Variants in CREBBP observed in about 807,000 individuals in gnomAD.
CREBBP encodes the protein CREB binding lysine acetyltransferase, also known as CREB-binding protein.
A neutral mutation model predicts 265.0 loss-of-function variants in CREBBP; 19 were observed. The observed-to-expected ratio is 0.07, with a 90% CI of 0.05 to 0.11. CREBBP has a LOEUF of 0.11. Among genes scored for constraint, CREBBP ranks in the 10% least tolerant of loss-of-function variants. The pLI is 1.00. For missense variants in CREBBP, 2,525 were observed against 3,219.0 expected (o/e 0.78, Z 5.22); for synonymous variants, 1,457 against 1,223.7 (o/e 1.19, Z -3.98).
rs907474283 is a variant in CREBBP, at chr16:3,880,011, G to A, written c.-95C>T. On this transcript the variant is annotated 5_prime_UTR_variant, in exon 1 of 31. Transcript: ENST00000262367. The stretch of plus-strand genomic sequence containing the variant: ...GGGCCCTGCCGGCTGCGAGGGAGAG[G>A]AGCGAGCGCGGGCCGCGAGCGGGCG... 4.5e-6 allele frequency: 5 copies of A among 1,104,458 alleles called. No individual in the cohort carries two copies. In the East Asian group the frequency reaches 1.0e-4, roughly 23 times the overall value. 68.4% of individuals were successfully genotyped at this position (1,104,458 alleles called of 1,614,324 possible). A position where few individuals can be genotyped will look rare whatever the true frequency, so the allele number is the denominator to read the frequency against.
chr16:3,850,026 C>T (rs2054793096), intron 2 of CREBBP, among the ~76,000 whole-genome samples: 1 of 152,190 alleles, frequency 6.6e-6, no homozygotes, highest in Non-Finnish European at 1.5e-5. Context: ...AGAAAGCAAC[C>T]TCTACCAGGT....
rs1046487097 is a variant in CREBBP at position 3,761,129 on chromosome 16, T to C, written c.3251-2157A>G. 2.0e-5 allele frequency among the ~76,000 whole-genome samples: 3 copies of C among 152,196 alleles called. No individual in the cohort carries two copies. The East Asian group carries it at 5.8e-4, about 29-fold the overall frequency. On this transcript the variant is annotated intron_variant, in intron 16 of 30. Transcript: ENST00000262367. ...ACCACCACACCCAGCTAATTTTGTA[T>C]TTTTAGTAGAGACTGGGTTTCTCCA... is the stretch of plus-strand genomic sequence containing the variant.
At chr16:3,860,515 C>T (rs1275183116) in intron 1 of CREBBP, among the ~76,000 whole-genome samples, 2 of 151,974 alleles carry the variant, frequency 1.3e-5, no homozygotes, top group Non-Finnish European at 2.9e-5. Flanking sequence ...ACTGTGGCTC[C>T]AAAAAGAATT....
chr16:3,742,418 T>C (rs868635054), intron 23 of CREBBP: 5 of 152,248 alleles, frequency 3.3e-5, no homozygotes, highest in Non-Finnish European at 7.3e-5. Context: ...TGTGTGAAAG[T>C]AGACTTGCTA....
At chr16:3,760,962 T>G (rs13338123) in intron 16 of CREBBP, among the ~76,000 whole-genome samples, 2 of 152,036 alleles carry the variant, frequency 1.3e-5, no homozygotes, top group African/African-American at 4.8e-5. Context: ...TGAAAAGATT[T>G]GTTTTTTTTG....
intron 6 of CREBBP, among the ~76,000 whole-genome samples, chr16:3,781,653 C>T (rs1485200297): frequency 6.6e-6 from 1 of 152,162 alleles, no homozygotes; most frequent in Non-Finnish European, 1.5e-5. Flanking sequence ...CTGAGTGACT[C>T]AGCTGCACTG....
intron 2 of CREBBP, among the ~76,000 whole-genome samples, chr16:3,813,992 C>G (rs1029257741): frequency 1.3e-5 from 2 of 152,326 alleles, no homozygotes; most frequent in African/African-American, 4.8e-5. Flanking sequence ...GGCCAGTGTG[C>G]TCTGTGGACC....
rs749011678 is a variant in CREBBP at position 3,770,601 on chromosome 16, G to A, written c.2849C>T (p.Thr950Met). ...ATPQSSQQQP[T>M]PVHAQPPGTP... The stretch of plus-strand genomic sequence containing the variant: ...GCCAGGAGGCTGGGCGTGCACAGGC[G>A]TCGGCTGTTGCTGCGATGACTGAGG... Residue 950 changes from threonine (T) to methionine (M), a missense_variant, in exon 14 of 31, where the codon ACG becomes ATG. By Grantham distance (81) the Thr-to-Met change is moderately conservative. Transcript: ENST00000262367. 4.3e-6 allele frequency: 7 copies of A among 1,613,638 alleles called. No individual in the cohort carries two copies. The highest frequency in any genetic ancestry group is 1.1e-5 in the South Asian group (1 of 91,068).
chr16:3,781,231 G>C lies in CREBBP; in HGVS notation c.1649C>G (p.Ala550Gly), dbSNP rs2141247424. Residue 550 changes from alanine (A) to glycine (G), a missense_variant, in exon 7 of 31, where the codon GCT (alanine) becomes GGT (glycine). Around this residue, in one of 19 missense-constraint regions of CREBBP, gnomAD observed 144 missense variants for 134.0 expected, o/e 1.07. Coordinates refer to ENST00000262367, the MANE Select transcript of CREBBP (RefSeq NM_004380.3). The part of the protein sequence containing the change: ...QQPPNLISES[A>G]LPTSLGATNP... Reference sequence around the variant, plus strand: ...TGTGGCCCCCAGGGAAGTCGGAAGAGCTGATTCTGAAATCAAGTTTGGGGG... The same window carrying C: ...TGTGGCCCCCAGGGAAGTCGGAAGACCTGATTCTGAAATCAAGTTTGGGGG... 6.2e-7 allele frequency: 1 copy of C among 1,614,016 alleles called. No homozygotes were observed. The highest frequency in any genetic ancestry group is 8.5e-7 in the Non-Finnish European group (1 of 1,179,936).
chr16:3,770,352 T>C (rs892717193), intron 14 of CREBBP, among the ~76,000 whole-genome samples: 1 of 152,008 alleles, frequency 6.6e-6, no homozygotes, highest in African/African-American at 2.4e-5. Context: ...ACCATGCTTG[T>C]CTGGTTAAAA....
At chr16:3,875,589 C>T (rs529298671) in intron 1 of CREBBP, among the ~76,000 whole-genome samples, 47 of 152,318 alleles carry the variant, frequency 3.1e-4, no homozygotes, top group Non-Finnish European at 6.3e-4. Flanking sequence ...CATTCATGTG[C>T]GGGAAGGCCG....
rs1292484346 is a variant in CREBBP, at chr16:3,729,892, G to C, written c.5173-18C>G. On this transcript the variant is annotated intron_variant, in intron 30 of 30. Transcript: ENST00000262367. ...TCGTAGTCCTGCAAGCAAGGAAAGG[G>C]GACAGGCCGGTGTCAGCATGGGACC... 1.9e-6 allele frequency: 3 copies of C among 1,599,442 alleles called. No homozygotes were observed. In the Admixed American group the frequency reaches 5.0e-5, roughly 27 times the overall value.
chr16:3,742,708 T>A (rs528403903), intron 23 of CREBBP: 1 of 152,198 alleles, frequency 6.6e-6, no homozygotes, highest in East Asian at 1.9e-4. Flanking sequence ...CAATGCAAGA[T>A]TAAGGAAGCA....
At chr16:3,793,330 A>G (rs2053543179) in intron 4 of CREBBP, 56 bp downstream of exon 4, 7 of 1,612,112 alleles carry the variant, frequency 4.3e-6, no homozygotes, top group Non-Finnish European at 5.9e-6. Flanking sequence ...TGTAAGAACA[A>G]TAAAGGCAAA....
rs545836589 is a variant in CREBBP at position 3,778,333 on chromosome 16, T to C, written c.1942-151A>G. 6 of 678,502 alleles carry C rather than the reference T, an allele frequency of 8.8e-6. No homozygotes were observed. In the African/African-American group the frequency reaches 1.1e-4, roughly 12 times the overall value. 42.0% of individuals were successfully genotyped at this position (678,502 alleles called of 1,614,324 possible). A position where few individuals can be genotyped will look rare whatever the true frequency, so the allele number is the denominator to read the frequency against. On this transcript the variant is annotated intron_variant, in intron 9 of 30. Coordinates refer to ENST00000262367, the MANE Select transcript of CREBBP (RefSeq NM_004380.3). ...CCTGATACACCAGAAGCCCACATTC[T>C]TGCTGAATTCCCAATGACTTTATAG... is the stretch of plus-strand genomic sequence containing the variant.
At chr16:3,730,204 A>G (rs1433223099) in intron 30 of CREBBP, among the ~76,000 whole-genome samples, 1 of 152,160 alleles carries the variant, frequency 6.6e-6, no homozygotes, top group Non-Finnish European at 1.5e-5. Context: ...ATGCCCCAAG[A>G]ACCCCTGGCC....
intron 3 of CREBBP, among the ~76,000 whole-genome samples, chr16:3,798,766 A>G (rs934471867): frequency 5.9e-5 from 9 of 152,266 alleles, no homozygotes; most frequent in Admixed American, 5.2e-4. Flanking sequence ...TCTGGAAAAC[A>G]GTCTGGCAAT....
intron 5 of CREBBP, among the ~76,000 whole-genome samples, chr16:3,788,957 A>AAACC (rs753552093): frequency 9.2e-5 from 14 of 152,234 alleles, no homozygotes; most frequent in Non-Finnish European, 1.9e-4. Flanking sequence ...GTCTCAAAAC[A>AAACC]AACCAACCAA....
At chr16:3,830,404 C>T (rs2054320253) in intron 2 of CREBBP, among the ~76,000 whole-genome samples, 1 of 147,762 alleles carries the variant, frequency 6.8e-6, no homozygotes, top group African/African-American at 2.5e-5. Context: ...TGTATCAAAA[C>T]AAAACAAAAC....
Sources: gnomAD v4.1 joint callset for allele counts (sites outside exome capture counted in the v4.1 genomes callset) on GRCh38, gnomAD v4.1.1 for gene constraint, gnomAD v4.1.1 regional missense constraint, MANE v1.5 for transcripts, NCBI Gene and HGNC (gene_info 2026-07-23, HGNC 2026-07-21) for gene names.